HMGA2: variants seen among roughly 807,000 people sequenced by gnomAD.
The protein encoded by HMGA2 is high mobility group protein HMGI-C.
Under a neutral mutation model 19.1 loss-of-function variants are expected in HMGA2, and 8 were observed. The observed-to-expected ratio is 0.42, with a 90% CI of 0.25 to 0.76. The LOEUF (loss-of-function observed/expected upper bound fraction) is 0.76, where lower values mean the gene tolerates loss of function less well. Ranked by LOEUF, HMGA2 falls within the 30% of genes least tolerant of loss-of-function variation. The pLI is 0.28. For missense variants in HMGA2, 109 were observed against 136.3 expected (o/e 0.80, Z 1.00); for synonymous variants, 60 against 48.8 (o/e 1.23, Z -0.96).
chr12:65,914,820 A>G, intron 3 of HMGA2: 1 of 426,556 alleles, frequency 2.3e-6, no homozygotes, highest in Non-Finnish European at 4.5e-6. Context: ...GATTACAGGC[A>G]CCCACCACCA....
chr12:65,908,159 G>C (rs951373776), intron 3 of HMGA2, among the ~76,000 whole-genome samples: 3 of 152,096 alleles, frequency 2.0e-5, no homozygotes, highest in African/African-American at 7.2e-5. Flanking sequence ...TATTTTCATG[G>C]TGAGTTATGG....
At chr12:65,909,909 A>G (rs185899529) in intron 3 of HMGA2, among the ~76,000 whole-genome samples, 65 of 152,324 alleles carry the variant, frequency 4.3e-4, no homozygotes, top group African/African-American at 1.5e-3. Flanking sequence ...TCGGTGACCT[A>G]TTTGGCTCAC....
intron 3 of HMGA2, among the ~76,000 whole-genome samples, chr12:65,895,819 C>A (rs1204733725): frequency 6.6e-6 from 1 of 152,168 alleles, no homozygotes; most frequent in African/African-American, 2.4e-5. Flanking sequence ...CTTTGTTCCG[C>A]TCTGAGGACA....
chr12:65,943,436 A>T lies in HMGA2; in HGVS notation c.250-7947A>T, dbSNP rs116668039. ...CTATGGCTCATTGCCACACATACGC[A>T]GTCTGATGTTAATCAACACTAACTA... On this transcript the variant is annotated intron_variant, in intron 3 of 4. Transcript: ENST00000403681. 6.1e-3 allele frequency among the ~76,000 whole-genome samples: 933 copies of T among 152,302 alleles called. 10 individuals are homozygous for T. Among genetic ancestry groups the T allele is most frequent in the African/African-American group, 0.021 (887 of 41,568 alleles).
At chr12:65,872,744 G>T (rs1872773767) in intron 3 of HMGA2, among the ~76,000 whole-genome samples, 1 of 152,078 alleles carries the variant, frequency 6.6e-6, no homozygotes, top group Non-Finnish European at 1.5e-5. Flanking sequence ...TCTTTGTCCA[G>T]CTTACCTCCA....
chr12:65,912,330 C>A (rs116341024), intron 3 of HMGA2, among the ~76,000 whole-genome samples: 297 of 151,920 alleles, frequency 2.0e-3, no homozygotes, highest in African/African-American at 6.0e-3. Context: ...CAAAAATAGG[C>A]CAAAAAGTGT....
intron 3 of HMGA2, chr12:65,877,055 A>C (rs1228114030): frequency 6.6e-6 from 1 of 152,202 alleles, no homozygotes; most frequent in African/African-American, 2.4e-5. Context: ...TGGGCCATAC[A>C]TCACCTTCCT....
intron 2 of HMGA2, among the ~76,000 whole-genome samples, chr12:65,834,218 A>G (rs943621493): frequency 2.6e-5 from 4 of 152,178 alleles, no homozygotes; most frequent in Non-Finnish European, 5.9e-5. Flanking sequence ...ATCTCCAGTA[A>G]CCTGAAATGC....
intron 3 of HMGA2, among the ~76,000 whole-genome samples, chr12:65,851,141 C>A (rs767348074): frequency 4.6e-5 from 7 of 152,188 alleles, no homozygotes; most frequent in Non-Finnish European, 8.8e-5. Context: ...GACTAAATTT[C>A]TTCTTTTGTG....
intron 3 of HMGA2, among the ~76,000 whole-genome samples, chr12:65,888,226 C>G (rs1441947945): frequency 6.6e-6 from 1 of 152,004 alleles, no homozygotes; most frequent in East Asian, 1.9e-4. Flanking sequence ...GAGGCCGAGG[C>G]GGGTGGATCA....
chr12:65,947,352 C>T (rs758840277), intron 3 of HMGA2, among the ~76,000 whole-genome samples: 2 of 152,158 alleles, frequency 1.3e-5, no homozygotes, highest in Non-Finnish European at 2.9e-5. Context: ...TGAGCTCAAA[C>T]AATCCTCTCA....
At chr12:65,947,653 A>G (rs1462029902) in intron 3 of HMGA2, among the ~76,000 whole-genome samples, 1 of 152,234 alleles carries the variant, frequency 6.6e-6, no homozygotes, top group Non-Finnish European at 1.5e-5. Context: ...CCAAGTGCCT[A>G]AACTGTATAA....
chr12:65,897,747 G>A (rs1332986985), intron 3 of HMGA2, among the ~76,000 whole-genome samples: 1 of 152,120 alleles, frequency 6.6e-6, no homozygotes, highest in African/African-American at 2.4e-5. Context: ...ATCACCTGAG[G>A]TCAGGTGTTT....
chr12:65,867,146 A>G lies in HMGA2; in HGVS notation c.249+28577A>G, dbSNP rs190107012. Among the ~76,000 whole-genome samples the G allele has an allele frequency of 1.8e-3, 274 of 152,298 alleles. 1 individual carries two copies. Among genetic ancestry groups the G allele is most frequent in the Admixed American group, 0.018 (269 of 15,306 alleles). ...CACATAATGACAAAAAAACATTGAC[A>G]CTAAATTGAGGGCCTGCCATTTTTG... On this transcript the variant is annotated intron_variant, in intron 3 of 4. Transcript: ENST00000403681.
chr12:65,933,281 A>G (rs539177766), intron 3 of HMGA2, among the ~76,000 whole-genome samples: 12 of 152,292 alleles, frequency 7.9e-5, no homozygotes, highest in Admixed American at 1.3e-4. Flanking sequence ...GTCTCTTCAT[A>G]TACATGCTGA....
In HMGA2 at chr12:65,938,154, C is replaced by T. The variant is rs184809945; in HGVS notation, c.250-13229C>T. On this transcript the variant is annotated intron_variant, in intron 3 of 4. Coordinates refer to ENST00000403681, the MANE Select transcript of HMGA2 (RefSeq NM_003483.6). Reference sequence around the variant, plus strand: ...CACTATGAATGGACACTGCAAATGGCTGTACCCATTTTTTGACTCTGAAGG... The same window carrying T: ...CACTATGAATGGACACTGCAAATGGTTGTACCCATTTTTTGACTCTGAAGG... 3.4e-4 allele frequency among the ~76,000 whole-genome samples: 52 copies of T among 152,284 alleles called. No homozygotes were observed. The East Asian group carries it at 9.1e-3, about 27-fold the overall frequency.
intron 3 of HMGA2, among the ~76,000 whole-genome samples, chr12:65,950,516 G>A (rs376602832): frequency 4.7e-4 from 72 of 152,296 alleles, no homozygotes; most frequent in African/African-American, 1.6e-3. Context: ...CATAGAGACA[G>A]AAAGTAGATT....
At chr12:65,949,181 G>A (rs1023466252) in intron 3 of HMGA2, among the ~76,000 whole-genome samples, 1 of 151,958 alleles carries the variant, frequency 6.6e-6, no homozygotes, top group Admixed American at 6.6e-5. Context: ...CTTTTGTGAT[G>A]ACGTCATCTT....
chr12:65,838,720 T>TGG lies in HMGA2; in HGVS notation c.249+151_249+152insGG, dbSNP rs1870849282. 6 of 662,936 alleles carry TGG rather than the reference T, an allele frequency of 9.1e-6. No individual in the cohort carries two copies. In the Admixed American group the frequency reaches 1.3e-4, roughly 14 times the overall value. 41.1% of individuals were successfully genotyped at this position (662,936 alleles called of 1,614,324 possible). ...GGTTAAGTCAAGAGACAAATTATCA[T>TGG]CACTTCCTACCACTAGGCTCCAGGT... On this transcript the variant is annotated intron_variant, in intron 3 of 4. Coordinates refer to ENST00000403681, the MANE Select transcript of HMGA2 (RefSeq NM_003483.6).
Sources: allele counts gnomAD v4.1 joint callset (sites outside exome capture counted in the v4.1 genomes callset), GRCh38; gene constraint gnomAD v4.1.1; transcripts MANE v1.5; gene names NCBI Gene and HGNC (gene_info 2026-07-23, HGNC 2026-07-21).